The following URI1 variants were observed in gnomAD, a reference collection of about 807,000 sequenced individuals.
URI1 encodes the protein URI1 prefoldin like chaperone.
URI1 carries 39 observed loss-of-function variants against 60.2 expected under a neutral mutation model. The observed-to-expected ratio is 0.65, with a 90% CI of 0.50 to 0.85. The LOEUF (loss-of-function observed/expected upper bound fraction) is 0.85. Ranked by LOEUF, URI1 falls within the 40% of genes least tolerant of loss-of-function variation. The pLI, the probability that URI1 is intolerant of heterozygous loss-of-function variation, is 0.00. For missense variants in URI1, 691 were observed against 665.9 expected, an observed-to-expected ratio of 1.04 and a Z score of -0.42; for synonymous variants, 251 against 236.8, an observed-to-expected ratio of 1.06 and a Z score of -0.55.
Position 29,970,329 on chromosome 19 carries a change from A to G in URI1, c.118-864A>G, listed in dbSNP as rs758091988. On this transcript the variant is annotated intron_variant, in intron 1 of 10. Coordinates refer to ENST00000392271, the MANE Select transcript of URI1 (RefSeq NM_003796.3). ...AGTTTCTCTGTCTCTAAAATGGTAT[A>G]TGGTATTCTAGACTGCTGTTTAAAA... Among the ~76,000 whole-genome samples the G allele has an allele frequency of 1.3e-5, 2 of 151,956 alleles. 1 individual carries two copies. The highest frequency in any genetic ancestry group is 2.9e-5 in the Non-Finnish European group (2 of 67,930).
chr19:29,985,629 G>A (rs1459245902), intron 3 of URI1, among the ~76,000 whole-genome samples: 1 of 152,018 alleles, frequency 6.6e-6, no homozygotes, highest in Non-Finnish European at 1.5e-5. Context: ...AGCAGGAATA[G>A]GCCATAATGT....
At chr19:29,968,565 C>CTTTTTTT (rs35475321) in intron 1 of URI1, among the ~76,000 whole-genome samples, 12 of 74,402 alleles carry the variant, frequency 1.6e-4, no homozygotes, top group East Asian at 4.2e-4. Flanking sequence ...CTAATTTTTT[C>CTTTTTTT]TTTTTTTTTT....
chr19:29,948,218 A>T (rs1463671552), intron 1 of URI1, among the ~76,000 whole-genome samples: 2 of 152,258 alleles, frequency 1.3e-5, no homozygotes, highest in East Asian at 3.9e-4. Context: ...GTGGTTCCTC[A>T]AGATTGCCTT....
At chr19:30,003,371 T>A (rs2055901333) in intron 4 of URI1, among the ~76,000 whole-genome samples, 1 of 152,048 alleles carries the variant, frequency 6.6e-6, no homozygotes, top group South Asian at 2.1e-4. Flanking sequence ...GCATATATAA[T>A]GTGTATGTGA....
At chr19:29,975,572 C>T (rs886492070) in intron 2 of URI1, among the ~76,000 whole-genome samples, 8 of 138,004 alleles carry the variant, frequency 5.8e-5, no homozygotes, top group African/African-American at 8.2e-5. Context: ...GGCATGGTTT[C>T]GGCTCACTGC....
Position 29,949,252 on chromosome 19 carries a change from C to T in URI1, c.117+6588C>T, listed in dbSNP as rs368839086. On this transcript the variant is annotated intron_variant, in intron 1 of 10. Transcript: ENST00000392271. The stretch of plus-strand genomic sequence containing the variant: ...TTCAGACGGGGCGGCCGGGCAGAGA[C>T]GCTCCTCATCTCCCAGACGGGGTCG... Among the ~76,000 whole-genome samples, 51 of 148,976 alleles carry T rather than the reference C, an allele frequency of 3.4e-4. 1 individual carries two copies. The South Asian group carries it at 8.9e-3, about 26-fold the overall frequency.
intron 4 of URI1, among the ~76,000 whole-genome samples, chr19:30,005,128 T>C (rs757491313): frequency 2.0e-5 from 3 of 152,016 alleles, no homozygotes; most frequent in Non-Finnish European, 4.4e-5. Context: ...TACTCTGTAA[T>C]AGAGAGAAAA....
At position 30,012,491 on chromosome 19, in the gene URI1, A is replaced by C. The variant is rs1264469709; in HGVS notation, c.1385A>C (p.Glu462Ala). The C allele has an allele frequency of 1.9e-6, 3 of 1,614,228 alleles. No individual in the cohort carries two copies. The highest frequency in any genetic ancestry group is 1.7e-6 in the Non-Finnish European group (2 of 1,180,020). The change falls in exon 10 of 11, where the codon GAA becomes GCA. Residue 462 changes from glutamate to alanine, a missense_variant. Coordinates refer to ENST00000392271, the MANE Select transcript of URI1 (RefSeq NM_003796.3). ...SESILEEEPQ[E>A]NQKKLLPLSV... ...AGCATTTTGGAAGAGGAACCACAAG[A>C]AAATCAAAAGAAACTTTTGCCCTTA...
intron 2 of URI1, among the ~76,000 whole-genome samples, chr19:29,984,606 A>G (rs1394665632): frequency 6.6e-6 from 1 of 152,224 alleles, no homozygotes; most frequent in Non-Finnish European, 1.5e-5. Context: ...GAGTCCCTGA[A>G]GAGTCTTAAT....
At chr19:29,948,745 C>T (rs1050614982) in intron 1 of URI1, among the ~76,000 whole-genome samples, 2 of 152,186 alleles carry the variant, frequency 1.3e-5, no homozygotes, top group Admixed American at 1.3e-4. Context: ...TACTTCTTTC[C>T]ACACAGACAG....
Position 29,993,684 on chromosome 19 carries a change from G to T in URI1, c.367+7267G>T, listed in dbSNP as rs188851012. On this transcript the variant is annotated intron_variant, in intron 4 of 10. Coordinates refer to ENST00000392271, the MANE Select transcript of URI1 (RefSeq NM_003796.3). Reference sequence around the variant, plus strand: ...GGCTTTTTTAAAAATTATTTTTTTAGTAGGTTATATATGGACATGATACAA... The same window carrying T: ...GGCTTTTTTAAAAATTATTTTTTTATTAGGTTATATATGGACATGATACAA... 2.8e-3 allele frequency among the ~76,000 whole-genome samples: 433 copies of T among 152,026 alleles called. 2 individuals are homozygous for T. Among genetic ancestry groups the T allele is most frequent in the African/African-American group, 1.0e-2 (413 of 41,462 alleles).
chr19:30,014,199 A>G (rs1433187917), intron 10 of URI1: 1 of 152,200 alleles, frequency 6.6e-6, no homozygotes, highest in Non-Finnish European at 1.5e-5. Context: ...ATAGTTGACC[A>G]GATTAAATGC....
At chr19:30,007,360 C>T (rs2055956430) in intron 6 of URI1, 110 bp from the exon 7 acceptor site, 1 of 1,203,156 alleles carries the variant, frequency 8.3e-7, no homozygotes, top group Non-Finnish European at 1.1e-6. Flanking sequence ...AAATTGTGAC[C>T]CCTCTGTTTC....
Position 29,942,574 on chromosome 19 carries a change from C to A in URI1, c.27C>A (p.Pro9=). The change falls in exon 1 of 11, where the codon CCC becomes CCA. Residue 9 remains proline, a synonymous_variant. Transcript: ENST00000392271. Reference sequence around the variant, plus strand: ...TGGAGGCGCCCACCGTGGAGACGCCCCCCGACCCCTCGCCCCCTTCGGCCC... The same window carrying A: ...TGGAGGCGCCCACCGTGGAGACGCCACCCGACCCCTCGCCCCCTTCGGCCC... MEAPTVET[P]PDPSPPSAPA... 2 of 1,424,944 alleles carry A rather than the reference C, an allele frequency of 1.4e-6. No homozygotes were observed. The highest frequency in any genetic ancestry group is 1.8e-6 in the Non-Finnish European group (2 of 1,091,658). 88.3% of individuals were successfully genotyped at this position (1,424,944 alleles called of 1,614,324 possible).
At chr19:29,955,121 AT>A (rs376817578) in intron 1 of URI1, among the ~76,000 whole-genome samples, 3,262 of 140,602 alleles carry the variant, frequency 0.023, 25 homozygotes, top group Middle Eastern at 0.048. Flanking sequence ...AGCCAAGCTA[AT>A]TTTTTTTTTT....
At position 30,014,922 on chromosome 19, in the gene URI1, A is replaced by G. The variant is rs146454221; in HGVS notation, c.1461A>G (p.Val487=). 10,436 of 1,613,096 alleles carry G rather than the reference A, an allele frequency of 6.5e-3. 67 individuals are homozygous for G. Among genetic ancestry groups the G allele is most frequent in the South Asian group, 7.6e-3 (689 of 90,934 alleles). ...GAACTGTTATAGAAAAAGAATTTGTATCACCTTCCTTAACACCACCCCCAG... is the reference window on the plus strand; with the variant it reads ...GAACTGTTATAGAAAAAGAATTTGTGTCACCTTCCTTAACACCACCCCCAG... ...FSGTVIEKEF[V]SPSLTPPPAI... Residue 487 remains valine (V), a synonymous_variant, in exon 11 of 11, where the codon GTA becomes GTG. Transcript: ENST00000392271.
chr19:29,958,631 G>T (rs948062846), intron 1 of URI1, among the ~76,000 whole-genome samples: 2 of 152,084 alleles, frequency 1.3e-5, no homozygotes, highest in Non-Finnish European at 2.9e-5. Flanking sequence ...GCAAAATTCT[G>T]TAATTCTTTC....
At position 30,005,357 on chromosome 19, in the gene URI1, T is replaced by A. The variant is rs1177258225; in HGVS notation, c.368-4T>A. On this transcript the variant is annotated splice_polypyrimidine_tract_variant and splice_region_variant and intron_variant, in intron 4 of 10. Coordinates refer to ENST00000392271, the MANE Select transcript of URI1 (RefSeq NM_003796.3). Reference sequence around the variant, plus strand: ...TTACATAATGGTTGTGTTCATTGTTTCAGATGTAAGAAAAACAATAGATGA... The same window carrying A: ...TTACATAATGGTTGTGTTCATTGTTACAGATGTAAGAAAAACAATAGATGA... 1 of 1,543,828 alleles carries A rather than the reference T, an allele frequency of 6.5e-7. No homozygotes were observed. The highest frequency in any genetic ancestry group is 1.4e-5 in the African/African-American group (1 of 72,294).
rs750691974 is a variant in URI1, at chr19:30,007,511, A to T, written c.559A>T (p.Thr187Ser). Residue 187 changes from threonine (T) to serine (S), a missense_variant, in exon 7 of 11, where the codon ACT (threonine) becomes TCT (serine). Coordinates refer to ENST00000392271, the MANE Select transcript of URI1 (RefSeq NM_003796.3). The part of the protein sequence containing the change: ...IAHKPHSKPK[T>S]SDIFEADIAN... ...TCATAAACCGCATTCCAAACCAAAAACTTCAGATATTTTTGAAGCAGATAT... is the reference window on the plus strand; with the variant it reads ...TCATAAACCGCATTCCAAACCAAAATCTTCAGATATTTTTGAAGCAGATAT... 1.9e-6 allele frequency: 3 copies of T among 1,613,318 alleles called. No homozygotes were observed. The South Asian group carries it at 3.3e-5, about 18-fold the overall frequency.
Sources: gnomAD v4.1 joint callset for allele counts (sites outside exome capture counted in the v4.1 genomes callset) on GRCh38, gnomAD v4.1.1 for gene constraint, MANE v1.5 for transcripts, NCBI Gene and HGNC (gene_info 2026-07-23, HGNC 2026-07-21) for gene names.